The following UBA2 variants were observed in gnomAD, a reference collection of about 807,000 sequenced individuals.
UBA2 encodes ubiquitin like modifier activating enzyme 2.
A neutral mutation model predicts 77.2 loss-of-function variants in UBA2; 11 were observed. That is an observed-to-expected ratio of 0.14 (90% CI 0.09 to 0.24). The LOEUF (loss-of-function observed/expected upper bound fraction) is 0.24, where lower values mean the gene tolerates loss of function less well. Ranked by LOEUF, UBA2 falls within the 10% of genes least tolerant of loss-of-function variation. The probability of loss-of-function intolerance (pLI) is 1.00; values close to 1 mark genes in which losing one functional copy is unlikely to be tolerated. For synonymous variants in UBA2, 278 were observed against 276.7 expected, an observed-to-expected ratio of 1.00 and a Z score of -0.05; for missense variants, 487 against 781.7, an observed-to-expected ratio of 0.62 and a Z score of 4.50.
chr19:34,441,827 A>G (rs987008269), intron 6 of UBA2, among the ~76,000 whole-genome samples: 2 of 151,694 alleles, frequency 1.3e-5, no homozygotes, highest in Non-Finnish European at 2.9e-5. Flanking sequence ...AGGCTGAGCC[A>G]TGAGAGCCGC....
rs764017152 is a variant in UBA2 at position 34,438,785 on chromosome 19, T to C, written c.581+19T>C. The C allele has an allele frequency of 6.2e-7, 1 of 1,612,184 alleles. No homozygotes were observed. The highest frequency in any genetic ancestry group is 1.1e-5 in the South Asian group (1 of 90,484). ...TGTTCAAGTAAGAGTGTATATTTCT[T>C]GGCATGCTTTTCGGTACTGATGATG... On this transcript the variant is annotated intron_variant, in intron 6 of 16. Transcript: ENST00000246548.
chr19:34,467,422 T>A (rs192906940), intron 16 of UBA2, among the ~76,000 whole-genome samples: 1 of 150,310 alleles, frequency 6.7e-6, no homozygotes, highest in Non-Finnish European at 1.5e-5. Context: ...GAGCCATGAT[T>A]GCACCACTGC....
intron 9 of UBA2, among the ~76,000 whole-genome samples, 166 bp downstream of exon 9, chr19:34,450,530 C>G (rs981745638): frequency 6.6e-6 from 1 of 151,992 alleles, no homozygotes; most frequent in African/African-American, 2.4e-5. Context: ...TCAGAAATAG[C>G]CACTAATAAC....
Position 34,438,781 on chromosome 19 carries a change from T to C in UBA2, c.581+15T>C. 6.2e-7 allele frequency: 1 copy of C among 1,612,300 alleles called. No individual in the cohort carries two copies. Among genetic ancestry groups the C allele is most frequent in the Non-Finnish European group, 8.5e-7 (1 of 1,179,488 alleles). ...TACTTGTTCAAGTAAGAGTGTATAT[T>C]TCTTGGCATGCTTTTCGGTACTGAT... is the stretch of plus-strand genomic sequence containing the variant. On this transcript the variant is annotated intron_variant, in intron 6 of 16. Transcript: ENST00000246548.
At chr19:34,433,177 T>C (rs2075273906) in intron 3 of UBA2, 171 bp from the exon 4 acceptor site, 2 of 526,000 alleles carry the variant, frequency 3.8e-6, no homozygotes, top group Non-Finnish European at 6.6e-6. Flanking sequence ...ATAATTTCTT[T>C]AAAATCTGCT....
intron 5 of UBA2, among the ~76,000 whole-genome samples, chr19:34,436,409 C>T (rs1422400834): frequency 6.6e-6 from 1 of 152,118 alleles, no homozygotes; most frequent in African/African-American, 2.4e-5. Context: ...AAGCGATTCT[C>T]CTGCCTCAGT....
rs59580124 is a variant in UBA2 at position 34,450,742 on chromosome 19, C to CTTTTTTT, written c.871+396_871+402dup. ...GAAATTGCTATATATTTATGTATAT[C>CTTTTTTT]TTTTTTTTTTTTTTTTTTTTTTTTG... On this transcript the variant is annotated intron_variant, in intron 9 of 16. Coordinates refer to ENST00000246548, the MANE Select transcript of UBA2 (RefSeq NM_005499.3). Among the ~76,000 whole-genome samples, 553 of 83,428 alleles carry CTTTTTTT rather than the reference C, an allele frequency of 6.6e-3. 32 individuals carry two copies. The highest frequency in any genetic ancestry group is 9.9e-3 in the Non-Finnish European group (465 of 47,170). The allele number at this position is 83,428 out of a possible 152,430, so 54.7% of individuals were successfully genotyped here.
At chr19:34,454,997 T>A (rs1262829977) in intron 12 of UBA2, among the ~76,000 whole-genome samples, 3 of 152,226 alleles carry the variant, frequency 2.0e-5, no homozygotes, top group Non-Finnish European at 4.4e-5. Context: ...TCTGCTGTCA[T>A]TTCTGCTATT....
chr19:34,449,003 C>A (rs982225367), intron 8 of UBA2, among the ~76,000 whole-genome samples: 3 of 151,858 alleles, frequency 2.0e-5, no homozygotes, highest in African/African-American at 7.3e-5. Flanking sequence ...TGCCTTTGTA[C>A]CCATTTCACA....
chr19:34,444,029 A>AT, intron 7 of UBA2, 118 bp downstream of exon 7: 1 of 351,022 alleles, frequency 2.8e-6, no homozygotes, highest in Non-Finnish European at 5.1e-6. Flanking sequence ...TGTGTTTAAC[A>AT]TGTGTTTTTT....
chr19:34,443,170 G>A (rs117130047), intron 6 of UBA2, among the ~76,000 whole-genome samples: 2,236 of 152,326 alleles, frequency 0.015, 25 homozygotes, highest in South Asian at 0.025. Flanking sequence ...TGCACCTGAG[G>A]TATATAATAA....
intron 12 of UBA2, among the ~76,000 whole-genome samples, chr19:34,458,104 G>C (rs1161006500): frequency 6.6e-6 from 1 of 152,120 alleles, no homozygotes; most frequent in African/African-American, 2.4e-5. Flanking sequence ...TAGCCTCAGG[G>C]AGGGACACCA....
chr19:34,461,948 A>G (rs755558564), intron 14 of UBA2, among the ~76,000 whole-genome samples: 14 of 152,206 alleles, frequency 9.2e-5, no homozygotes, highest in Non-Finnish European at 1.6e-4. Flanking sequence ...TGGACAAAGA[A>G]GAGAGCATTT....
chr19:34,463,964 A>T, intron 14 of UBA2, 62 bp from the exon 15 acceptor site: 1 of 1,258,812 alleles, frequency 7.9e-7, no homozygotes, highest in South Asian at 1.2e-5. Context: ...GCTTTTTAAA[A>T]AATCAACCTG....
Position 34,454,594 on chromosome 19 carries a change from TA to T in UBA2, c.1245+45del, listed in dbSNP as rs750574266. On this transcript the variant is annotated intron_variant, in intron 12 of 16. Transcript: ENST00000246548. ...GTTTGCATTTTTATGCAACCCCCCT[TA>T]AAAAAATCATTAATTAAAAGTACAT... is the stretch of plus-strand genomic sequence containing the variant. 139 of 1,034,222 alleles carry T rather than the reference TA, an allele frequency of 1.3e-4. 1 individual carries two copies. The East Asian group carries it at 2.3e-3, about 17-fold the overall frequency. 64.1% of individuals were successfully genotyped at this position (1,034,222 alleles called of 1,614,324 possible). A position where few individuals can be genotyped will look rare whatever the true frequency, so the allele number is the denominator to read the frequency against.
At chr19:34,438,365 T>C (rs774664167) in intron 5 of UBA2, among the ~76,000 whole-genome samples, 2 of 152,236 alleles carry the variant, frequency 1.3e-5, no homozygotes, top group Non-Finnish European at 2.9e-5. Flanking sequence ...TAAACTCATA[T>C]TTGACACTCA....
chr19:34,429,619 G>T (rs1050819437), intron 1 of UBA2, among the ~76,000 whole-genome samples: 1 of 152,068 alleles, frequency 6.6e-6, no homozygotes, highest in African/African-American at 2.4e-5. Context: ...CGTTTGCCAT[G>T]TATCATTTAA....
chr19:34,459,916 A>G (rs2075612126), intron 13 of UBA2, among the ~76,000 whole-genome samples: 1 of 152,162 alleles, frequency 6.6e-6, no homozygotes, highest in Admixed American at 6.5e-5. Context: ...CTAGGAAATA[A>G]TTATCTTTGG....
chr19:34,443,735 C>T (rs956926236), intron 6 of UBA2, 109 bp from the exon 7 acceptor site: 2 of 786,834 alleles, frequency 2.5e-6, no homozygotes, highest in Non-Finnish European at 4.3e-6. Flanking sequence ...CCACTGCGCC[C>T]AGCCAGTTGT....
Sources: allele counts gnomAD v4.1 joint callset (sites outside exome capture counted in the v4.1 genomes callset), GRCh38; gene constraint gnomAD v4.1.1; transcripts MANE v1.5; gene names NCBI Gene and HGNC (gene_info 2026-07-23, HGNC 2026-07-21).